The following TENM2 variants were observed in gnomAD, a reference collection of about 807,000 sequenced individuals.
TENM2 encodes the protein teneurin transmembrane protein 2, also known as teneurin-2.
Under a neutral mutation model 245.2 loss-of-function variants are expected in TENM2, and 52 were observed. The ratio of observed to expected loss-of-function variants is 0.21; its 90% CI spans 0.17 to 0.27. The LOEUF is 0.27. TENM2 is among the 10% of genes least tolerant of loss of function. The probability of loss-of-function intolerance (pLI) is 1.00; values close to 1 mark genes in which losing one functional copy is unlikely to be tolerated. For synonymous variants in TENM2, 1,363 were observed against 1,438.9 expected (o/e 0.95, Z 1.19); for missense variants, 3,046 against 3,666.8 (o/e 0.83, Z 4.37).
chr5:167,371,471 C>G (rs1228017659), intron 1 of TENM2, among the ~76,000 whole-genome samples: 1 of 151,464 alleles, frequency 6.6e-6, no homozygotes, highest in Non-Finnish European at 1.5e-5. Flanking sequence ...AAGCGACTCT[C>G]CTGCCTTGGC....
intron 2 of TENM2, among the ~76,000 whole-genome samples, chr5:167,872,420 GAGAC>G (rs1488933281): frequency 6.7e-6 from 1 of 150,126 alleles, no homozygotes; most frequent in South Asian, 2.1e-4. Context: ...GAGAAAGAGA[GAGAC>G]AGAAAGAAAG....
intron 1 of TENM2, among the ~76,000 whole-genome samples, chr5:167,288,243 A>G (rs1422434827): frequency 2.0e-5 from 3 of 152,198 alleles, no homozygotes; most frequent in African/African-American, 7.2e-5. Context: ...TAAACAAACA[A>G]CAATAATAAC....
intron 2 of TENM2, among the ~76,000 whole-genome samples, chr5:167,392,414 A>G (rs1761810458): frequency 6.6e-6 from 1 of 152,184 alleles, no homozygotes; most frequent in Non-Finnish European, 1.5e-5. Context: ...GCAGGTCTGC[A>G]TGATGCCATC....
intron 2 of TENM2, among the ~76,000 whole-genome samples, chr5:167,622,372 A>G (rs1246970880): frequency 1.3e-5 from 2 of 152,162 alleles, no homozygotes; most frequent in African/African-American, 4.8e-5. Context: ...CGCATAAACC[A>G]ACTTTTTTAA....
chr5:167,612,045 C>A (rs2127751509), intron 2 of TENM2, among the ~76,000 whole-genome samples: 1 of 152,236 alleles, frequency 6.6e-6, no homozygotes, highest in African/African-American at 2.4e-5. Context: ...GTCTGTCTCG[C>A]TGTTCATTTT....
chr5:167,499,959 C>T (rs1321808321), intron 2 of TENM2, among the ~76,000 whole-genome samples: 575 of 38,024 alleles, frequency 0.015, 6 homozygotes, highest in African/African-American at 0.055. Flanking sequence ...TGTGTATGTA[C>T]GTGTATGTGA....
chr5:167,341,725 C>G (rs1349124032), intron 1 of TENM2, among the ~76,000 whole-genome samples: 2 of 151,632 alleles, frequency 1.3e-5, no homozygotes, highest in African/African-American at 4.8e-5. Context: ...ATATATTTAA[C>G]AAATCGTAAT....
Position 167,899,490 on chromosome 5 carries a change from G to A in TENM2, c.712+23295G>A, listed in dbSNP as rs566158966. Reference sequence around the variant, plus strand: ...CCACGCTCCTGGCCAAGTGCCTTGCGTTAATTCAACAACAACTCTCCAAGT... The same window carrying A: ...CCACGCTCCTGGCCAAGTGCCTTGCATTAATTCAACAACAACTCTCCAAGT... On this transcript the variant is annotated intron_variant, in intron 3 of 28. Transcript: ENST00000518659. Among the ~76,000 whole-genome samples the A allele has an allele frequency of 5.9e-5, 9 of 152,330 alleles. No homozygotes were observed. In the South Asian group the frequency reaches 6.2e-4, roughly 11 times the overall value.
chr5:167,532,001 A>G (rs80193549), intron 2 of TENM2, among the ~76,000 whole-genome samples: 6,094 of 152,112 alleles, frequency 0.04, 371 homozygotes, highest in East Asian at 0.29. Flanking sequence ...TATTCAGTGC[A>G]TCTTTACTTA....
chr5:167,506,386 A>G (rs896734035), intron 2 of TENM2, among the ~76,000 whole-genome samples: 2 of 152,216 alleles, frequency 1.3e-5, no homozygotes, highest in Non-Finnish European at 2.9e-5. Flanking sequence ...TAACAGGGAG[A>G]TAACTGCTTT....
At chr5:167,092,053 G>T in the TENM2 span, among the ~76,000 whole-genome samples, 3 of 152,138 alleles carry the variant, frequency 2.0e-5, no homozygotes, top group African/African-American at 7.2e-5. Context: ...CCACATACAG[G>T]ATTCATCTTT....
At chr5:168,082,664 C>T (rs202045091) in intron 7 of TENM2, among the ~76,000 whole-genome samples, 46 of 152,222 alleles carry the variant, frequency 3.0e-4, no homozygotes, top group African/African-American at 1.0e-3. Context: ...TTAGTTTTCC[C>T]TCTAACAGTC....
At chr5:167,141,410 A>G in the TENM2 span, among the ~76,000 whole-genome samples, 1 of 152,318 alleles carries the variant, frequency 6.6e-6, no homozygotes, top group Admixed American at 6.5e-5. Context: ...TTCTTTGACA[A>G]CATTTGTTAA....
chr5:167,214,166 A>T, the TENM2 span, among the ~76,000 whole-genome samples: 1 of 152,220 alleles, frequency 6.6e-6, no homozygotes, highest in Non-Finnish European at 1.5e-5. Flanking sequence ...GTGATGGTAA[A>T]TGTTTCAAAA....
chr5:167,781,751 C>T (rs1051134747), intron 2 of TENM2, among the ~76,000 whole-genome samples: 2 of 152,070 alleles, frequency 1.3e-5, no homozygotes, highest in Non-Finnish European at 2.9e-5. Context: ...TTGGGCTGGT[C>T]GTGGTGGCTC....
At chr5:167,844,000 C>A (rs1769798028) in intron 2 of TENM2, among the ~76,000 whole-genome samples, 1 of 152,162 alleles carries the variant, frequency 6.6e-6, no homozygotes, top group Non-Finnish European at 1.5e-5. Flanking sequence ...TGAGGCATCT[C>A]TTTTGGCTGA....
At chr5:167,402,155 A>G (rs1038769631) in intron 2 of TENM2, among the ~76,000 whole-genome samples, 13 of 152,162 alleles carry the variant, frequency 8.5e-5, no homozygotes, top group African/African-American at 2.7e-4. Flanking sequence ...CTGGGTGGTC[A>G]GCTGATTTTT....
chr5:167,119,991 G>T, the TENM2 span, among the ~76,000 whole-genome samples: 1 of 152,202 alleles, frequency 6.6e-6, no homozygotes, highest in Non-Finnish European at 1.5e-5. Context: ...TTCAGGGGAA[G>T]AGATGTGGGA....
chr5:168,216,980 C>A (rs112730134), intron 22 of TENM2, 58 bp downstream of exon 24: 4 of 1,581,444 alleles, frequency 2.5e-6, no homozygotes, highest in African/African-American at 1.4e-5. Flanking sequence ...GCCTGAGGTT[C>A]TTACCTGTTT....
Sources: gnomAD v4.1 joint callset for allele counts (sites outside exome capture counted in the v4.1 genomes callset) on GRCh38, gnomAD v4.1.1 for gene constraint, MANE v1.5 for transcripts, NCBI Gene and HGNC (gene_info 2026-07-23, HGNC 2026-07-21) for gene names.